Variants in PCDHGA4 observed in about 807,000 individuals in gnomAD.
PCDHGA4 encodes protocadherin gamma subfamily A, 4, also known as protocadherin gamma-A4.
A neutral mutation model predicts 54.6 loss-of-function variants in PCDHGA4; 38 were observed. The ratio of observed to expected loss-of-function variants is 0.70; its 90% CI spans 0.54 to 0.91. PCDHGA4 has a LOEUF of 0.91. PCDHGA4 is among the 40% of genes least tolerant of loss of function. The pLI, the probability that PCDHGA4 is intolerant of heterozygous loss-of-function variation, is 0.00. For synonymous variants in PCDHGA4, 511 were observed against 512.9 expected, an observed-to-expected ratio of 1.00 and a Z score of 0.05; for missense variants, 1,298 against 1,220.9, an observed-to-expected ratio of 1.06 and a Z score of -0.94.
chr5:141,398,787 A>C, intron 1 of PCDHGA4: 1 of 1,613,902 alleles, frequency 6.2e-7, no homozygotes, highest in South Asian at 1.1e-5. Context: ...GTGGACATCC[A>C]CCCCTAAGCG....
At chr5:141,420,406 T>C (rs2096494414) in intron 1 of PCDHGA4, 1 of 1,241,672 alleles carries the variant, frequency 8.1e-7, no homozygotes, top group Non-Finnish European at 1.1e-6. Context: ...AATTTATGGT[T>C]ATCATTATTA....
At chr5:141,361,581 C>A (rs1306719531) in intron 1 of PCDHGA4, 2 of 1,614,056 alleles carry the variant, frequency 1.2e-6, no homozygotes, top group Admixed American at 1.7e-5. Context: ...CTGACTTGGG[C>A]CCCAGTGGCC....
At chr5:141,383,889 G>T in intron 1 of PCDHGA4, 1 of 1,613,938 alleles carries the variant, frequency 6.2e-7, no homozygotes, top group South Asian at 1.1e-5. Context: ...GTCTGACAAA[G>T]GCAAAAGTAC....
At position 141,490,132 on chromosome 5, in the gene PCDHGA4, A is replaced by C. The variant is rs1245562757; in HGVS notation, c.2515-4675A>C. On this transcript the variant is annotated intron_variant, in intron 1 of 3. Coordinates refer to ENST00000571252, the MANE Select transcript of PCDHGA4 (RefSeq NM_018917.4). This position sits in a 1 kb window ranked among gnomAD's most constrained non-coding sequence, Gnocchi z 5.4. ...GCGGAACCTCTTTGGCCTAGACCCT[A>C]GCAGTGGGGCAATCCATGTGTTGGG... 6.2e-7 allele frequency: 1 copy of C among 1,614,220 alleles called. No individual in the cohort carries two copies. Among genetic ancestry groups the C allele is most frequent in the South Asian group, 1.1e-5 (1 of 91,088 alleles).
chr5:141,414,578 A>G, intron 1 of PCDHGA4: 1 of 1,613,960 alleles, frequency 6.2e-7, no homozygotes, highest in Non-Finnish European at 8.5e-7. Context: ...ATCCCAGAGA[A>G]CAACGCCAGG....
chr5:141,464,519 A>G (rs974292961), intron 1 of PCDHGA4, among the ~76,000 whole-genome samples: 21 of 152,058 alleles, frequency 1.4e-4, no homozygotes, highest in African/African-American at 4.1e-4. Context: ...AGGTAAAGGC[A>G]TATGTAGTTT....
intron 1 of PCDHGA4, chr5:141,375,524 G>T: frequency 6.2e-7 from 1 of 1,613,986 alleles, no homozygotes; most frequent in Admixed American, 1.7e-5. Flanking sequence ...GGACCCTGAC[G>T]TGGACCAGAA....
At position 141,487,886 on chromosome 5, in the gene PCDHGA4, G is replaced by A. The variant is rs1208779156; in HGVS notation, c.2515-6921G>A. On this transcript the variant is annotated intron_variant, in intron 1 of 3. Transcript: ENST00000571252. This position sits in a 1 kb window ranked among gnomAD's most constrained non-coding sequence, Gnocchi z 5.0. ...GATCAAGAGCCAGGCTGTTGTGGAA[G>A]CATGATGATGGAATGTGGGAGCACA... is the stretch of plus-strand genomic sequence containing the variant. 1.3e-6 allele frequency: 1 copy of A among 751,316 alleles called. No individual in the cohort carries two copies. The highest frequency in any genetic ancestry group is 2.1e-6 in the Non-Finnish European group (1 of 467,526). The allele number at this position is 751,316 out of a possible 1,614,324, so 46.5% of individuals were successfully genotyped here.
intron 1 of PCDHGA4, chr5:141,484,911 T>G (rs2154580253): frequency 9.3e-6 from 4 of 432,018 alleles, no homozygotes; most frequent in South Asian, 3.3e-5. Context: ...CTGCGACGCA[T>G]TAACCCTGCT....
chr5:141,371,751 C>T (rs1768003581), intron 1 of PCDHGA4: 1 of 1,613,918 alleles, frequency 6.2e-7, no homozygotes. Flanking sequence ...TCCCGTTTTC[C>T]ACCAGGCCTC....
In PCDHGA4 at chr5:141,356,995, G is replaced by T. The variant is rs372951385; in HGVS notation, c.1888G>T (p.Gly630Cys). 7 of 1,614,184 alleles carry T rather than the reference G, an allele frequency of 4.3e-6. No homozygotes were observed. Among genetic ancestry groups the T allele is most frequent in the East Asian group, 2.2e-5 (1 of 44,872 alleles). Residue 630 changes from glycine to cysteine, a missense_variant, in exon 1 of 4, where the codon GGT (glycine) becomes TGT (cysteine). Gly to Cys is a radical substitution (Grantham distance 159). Coordinates refer to ENST00000571252, the MANE Select transcript of PCDHGA4 (RefSeq NM_018917.4). ...TKVVAVDRDS[G>C]QNAWLSYSLL... The stretch of plus-strand genomic sequence containing the variant: ...AGTGGTGGCAGTGGACAGAGACTCA[G>T]GTCAGAATGCCTGGCTGTCCTACAG...
At chr5:141,387,602 G>A in intron 1 of PCDHGA4, 3 of 545,116 alleles carry the variant, frequency 5.5e-6, no homozygotes, top group Middle Eastern at 9.5e-4. Context: ...AGCAGCAGAG[G>A]CTGTAGTTTC....
chr5:141,438,586 A>G (rs949534736), intron 1 of PCDHGA4, among the ~76,000 whole-genome samples: 2 of 56,254 alleles, frequency 3.6e-5, no homozygotes, highest in South Asian at 6.2e-4. Context: ...ATACATACAT[A>G]CATACATATA....
At chr5:141,360,050 A>G (rs1185756542) in intron 1 of PCDHGA4, 40 of 1,435,476 alleles carry the variant, frequency 2.8e-5, no homozygotes, top group Non-Finnish European at 3.5e-5. Flanking sequence ...AGAAAACAAA[A>G]GCAGGAAAAG....
At chr5:141,399,825 C>G (rs1439243162) in intron 1 of PCDHGA4, 14 of 1,613,060 alleles carry the variant, frequency 8.7e-6, no homozygotes, top group Non-Finnish European at 1.2e-5. Context: ...TGGGTCCCGA[C>G]GGCTCTGCGC....
chr5:141,427,764 T>C (rs1239199764), intron 1 of PCDHGA4: 4 of 1,383,480 alleles, frequency 2.9e-6, no homozygotes, highest in Non-Finnish European at 4.1e-6. Context: ...TACCACTGAC[T>C]TGGAGCTGCG....
intron 1 of PCDHGA4, among the ~76,000 whole-genome samples, chr5:141,420,626 C>T (rs1192244062): frequency 6.6e-6 from 1 of 152,152 alleles, no homozygotes; most frequent in Non-Finnish European, 1.5e-5. Flanking sequence ...TTCATTTACT[C>T]AATAAAGGAA....
At position 141,356,639 on chromosome 5, in the gene PCDHGA4, A is replaced by G. The variant is rs1760286940; in HGVS notation, c.1532A>G (p.Asp511Gly). 1 of 1,614,126 alleles carries G rather than the reference A, an allele frequency of 6.2e-7. No homozygotes were observed. Among genetic ancestry groups the G allele is most frequent in the East Asian group, 2.2e-5 (1 of 44,882 alleles). Residue 511 changes from aspartate (D) to glycine (G), a missense_variant, in exon 1 of 4, where the codon GAC becomes GGC. Coordinates refer to ENST00000571252, the MANE Select transcript of PCDHGA4 (RefSeq NM_018917.4). ...SILSMTAQDP[D>G]SGDNARITYS... ...TTATCTATGACTGCTCAAGACCCTGACAGTGGTGACAATGCCCGAATCACT... is the reference window on the plus strand; with the variant it reads ...TTATCTATGACTGCTCAAGACCCTGGCAGTGGTGACAATGCCCGAATCACT...
chr5:141,392,683 G>A, intron 1 of PCDHGA4: 1 of 1,058,682 alleles, frequency 9.4e-7, no homozygotes. Context: ...GGACTGCAGC[G>A]AAACCCGACC....
Sources: gnomAD v4.1 joint callset for allele counts (sites outside exome capture counted in the v4.1 genomes callset) on GRCh38, gnomAD v4.1.1 for gene constraint, Gnocchi (gnomAD v3.1) non-coding constraint, MANE v1.5 for transcripts, NCBI Gene and HGNC (gene_info 2026-07-23, HGNC 2026-07-21) for gene names.